The following ATP8B2 variants were observed in gnomAD, a reference collection of about 807,000 sequenced individuals.
ATP8B2 encodes the protein ATPase phospholipid transporting 8B2, also known as phospholipid-transporting ATPase ID.
A neutral mutation model predicts 133.4 loss-of-function variants in ATP8B2; 70 were observed. The ratio of observed to expected loss-of-function variants is 0.52; its 90% CI spans 0.43 to 0.64. ATP8B2 has a LOEUF of 0.64. Among genes scored for constraint, ATP8B2 ranks in the 30% least tolerant of loss-of-function variants. The probability of loss-of-function intolerance (pLI) is 0.00; values close to 1 mark genes in which losing one functional copy is unlikely to be tolerated. For missense variants in ATP8B2, 1,101 were observed against 1,535.7 expected (o/e 0.72, Z 4.73); for synonymous variants, 517 against 589.5 (o/e 0.88, Z 1.78).
chr1:154,343,707 A>G lies in ATP8B2; in HGVS notation c.1758+139A>G. On this transcript the variant is annotated intron_variant, in intron 17 of 27. Coordinates refer to ENST00000368489, the MANE Select transcript of ATP8B2 (RefSeq NM_001370597.1). The surrounding 1 kb of genome is among the most constrained non-coding windows in gnomAD (Gnocchi z 5.8). ...GTGTATATATAGTGAAGTGATTACT[A>G]CAGTCAGACAACTTAACACATCAGC... 1.0e-6 allele frequency: 1 copy of G among 983,998 alleles called. No homozygotes were observed. The highest frequency in any genetic ancestry group is 1.5e-5 in the South Asian group (1 of 64,714). The allele number at this position is 983,998 out of a possible 1,614,324, so 61.0% of individuals were successfully genotyped here.
chr1:154,345,111 G>A lies in ATP8B2; in HGVS notation c.2427G>A (p.Thr809=), dbSNP rs200485779. 5.6e-6 allele frequency: 9 copies of A among 1,614,198 alleles called. No homozygotes were observed. The Middle Eastern group carries it at 8.2e-4, about 148-fold the overall frequency. ...ELVKKYKKAV[T]LAIGDGANDV... is the part of the protein sequence containing the mutation. ...TCAAGAAGTACAAGAAGGCTGTGAC[G>A]CTTGCCATTGGAGACGGAGCCAATG... The change falls in exon 22 of 28, where the codon ACG becomes ACA. Residue 809 remains threonine (T), a synonymous_variant. Transcript: ENST00000368489. This position sits in a 1 kb window ranked among gnomAD's most constrained non-coding sequence, Gnocchi z 5.6.
At position 154,345,127 on chromosome 1, in the gene ATP8B2, G is replaced by A; in HGVS notation, c.2443G>A (p.Gly815Arg). ...GGCTGTGACGCTTGCCATTGGAGAC[G>A]GAGCCAATGATGTCAGCATGATCAA... ...KKAVTLAIGDGANDVSMIKTA... is the reference protein window; with the variant it reads ...KKAVTLAIGDRANDVSMIKTA... Residue 815 changes from glycine (G) to arginine (R), a missense_variant, in exon 22 of 28, where the codon GGA becomes AGA. By Grantham distance (125) the Gly-to-Arg change is moderately radical (BLOSUM62 -2). Coordinates refer to ENST00000368489, the MANE Select transcript of ATP8B2 (RefSeq NM_001370597.1). The surrounding 1 kb of genome is among the most constrained non-coding windows in gnomAD (Gnocchi z 5.6). 3 of 1,614,034 alleles carry A rather than the reference G, an allele frequency of 1.9e-6. No homozygotes were observed. Among genetic ancestry groups the A allele is most frequent in the Non-Finnish European group, 2.5e-6 (3 of 1,179,966 alleles).
chr1:154,346,622 T>G lies in ATP8B2; in HGVS notation c.3027T>G (p.Ile1009Met), dbSNP rs778613739. 6.2e-7 allele frequency: 1 copy of G among 1,614,198 alleles called. No homozygotes were observed. Among genetic ancestry groups the G allele is most frequent in the South Asian group, 1.1e-5 (1 of 91,082 alleles). Residue 1009 changes from isoleucine (I) to methionine (M), a missense_variant and splice_region_variant, in exon 26 of 28, where the codon ATT becomes ATG. Physicochemically the swap from Ile to Met is conservative, Grantham distance 10. Coordinates refer to ENST00000368489, the MANE Select transcript of ATP8B2 (RefSeq NM_001370597.1). The surrounding 1 kb of genome is among the most constrained non-coding windows in gnomAD (Gnocchi z 4.5). ...TSLVIVVSVQIGLDTGYWTAI... is the reference protein window; with the variant it reads ...TSLVIVVSVQMGLDTGYWTAI... ...CTGACTATGCCTACTTTCTGCAGATTGGGCTCGACACAGGCTACTGGACGG... is the reference window on the plus strand; with the variant it reads ...CTGACTATGCCTACTTTCTGCAGATGGGGCTCGACACAGGCTACTGGACGG...
In ATP8B2 at chr1:154,343,832, C is replaced by A; in HGVS notation, c.1759-61C>A. 6.5e-7 allele frequency: 1 copy of A among 1,538,404 alleles called. No homozygotes were observed. The highest frequency in any genetic ancestry group is 1.2e-5 in the South Asian group (1 of 81,286). The stretch of plus-strand genomic sequence containing the variant: ...ACAGTGCAGGATTATTCATTGTCGC[C>A]CTCACGCTGTCCATTAGCTCTCCAG... On this transcript the variant is annotated intron_variant, in intron 17 of 27. Transcript: ENST00000368489. The surrounding 1 kb of genome is among the most constrained non-coding windows in gnomAD (Gnocchi z 5.8).
chr1:154,341,196 C>T (rs1686370942), intron 13 of ATP8B2, 134 bp downstream of exon 13: 4 of 921,014 alleles, frequency 4.3e-6, no homozygotes, highest in Non-Finnish European at 5.1e-6. Flanking sequence ...AAGAAAGGGT[C>T]CATCCTGGCC....
rs1312000526 is a variant in ATP8B2, at chr1:154,334,298, AAG to A, written c.748+36_748+37del. 2 of 1,609,378 alleles carry A rather than the reference AAG, an allele frequency of 1.2e-6. No individual in the cohort carries two copies. The highest frequency in any genetic ancestry group is 1.7e-6 in the Non-Finnish European group (2 of 1,176,298). On this transcript the variant is annotated intron_variant, in intron 10 of 27. Coordinates refer to ENST00000368489, the MANE Select transcript of ATP8B2 (RefSeq NM_001370597.1). The surrounding 1 kb of genome is among the most constrained non-coding windows in gnomAD (Gnocchi z 4.6). ...TCCTAGCATCCAAAGAAAGAAGGGT[AAG>A]AGTGACTCAGCCAGCCCTCACTCAG...
Position 154,346,791 on chromosome 1 carries a change from G to T in ATP8B2, c.3163+33G>T, listed in dbSNP as rs1686599697. Reference sequence around the variant, plus strand: ...CCCGTGGCCTCCTTGAATCGGTGAGGAATCACAGCTGTTCTGGGACTAACA... The same window carrying T: ...CCCGTGGCCTCCTTGAATCGGTGAGTAATCACAGCTGTTCTGGGACTAACA... On this transcript the variant is annotated intron_variant, in intron 26 of 27. Transcript: ENST00000368489. The surrounding 1 kb of genome is among the most constrained non-coding windows in gnomAD (Gnocchi z 4.5). 6.2e-7 allele frequency: 1 copy of T among 1,611,768 alleles called. No individual in the cohort carries two copies. Among genetic ancestry groups the T allele is most frequent in the Non-Finnish European group, 8.5e-7 (1 of 1,178,248 alleles).
intron 26 of ATP8B2, among the ~76,000 whole-genome samples, chr1:154,347,780 A>G (rs927464488): frequency 6.6e-6 from 1 of 152,082 alleles, no homozygotes; most frequent in Non-Finnish European, 1.5e-5. Flanking sequence ...ATCTCTACTA[A>G]AAATACAAAA....
rs769448740 is a variant in ATP8B2, at chr1:154,346,226, C to T, written c.2779-5C>T. The T allele has an allele frequency of 1.1e-5, 18 of 1,612,940 alleles. No homozygotes were observed. Among genetic ancestry groups the T allele is most frequent in the Non-Finnish European group, 1.5e-5 (18 of 1,179,638 alleles). On this transcript the variant is annotated splice_polypyrimidine_tract_variant and splice_region_variant and intron_variant, in intron 24 of 27. Transcript: ENST00000368489. The surrounding 1 kb of genome is among the most constrained non-coding windows in gnomAD (Gnocchi z 4.5). The stretch of plus-strand genomic sequence containing the variant: ...CCCCCTATGCTACATGGTCCTCCCA[C>T]ACAGGATGTCCCCGAGCAGCGGAGC...
intron 1 of ATP8B2, 161 bp from the exon 2 acceptor site, chr1:154,327,944 C>T: frequency 1.3e-6 from 2 of 1,543,748 alleles, no homozygotes; most frequent in Non-Finnish European, 9.0e-7. Flanking sequence ...TCCCCTCTTT[C>T]CCAGGAACCC....
rs1284286939 is a variant in ATP8B2, at chr1:154,343,122, A to G, written c.1463A>G (p.Tyr488Cys). 6.2e-7 allele frequency: 1 copy of G among 1,613,690 alleles called. No homozygotes were observed. The highest frequency in any genetic ancestry group is 8.5e-7 in the Non-Finnish European group (1 of 1,179,884). Residue 488 changes from tyrosine (Y) to cysteine (C), a missense_variant, in exon 16 of 28, where the codon TAC becomes TGC. Physicochemically the swap from Tyr to Cys is radical, Grantham distance 194. Transcript: ENST00000368489. This position sits in a 1 kb window ranked among gnomAD's most constrained non-coding sequence, Gnocchi z 5.8. ...CTTCCTCCCCACCCAGGAGAGCTGT[A>G]CTACAAAGCTCAGTCCCCAGATGAG... ...MSEEKNEGEL[Y>C]YKAQSPDEGA...
At position 154,343,192 on chromosome 1, in the gene ATP8B2, C is replaced by T. The variant is rs1329736313; in HGVS notation, c.1533C>T (p.Arg511=). 1 of 1,614,138 alleles carries T rather than the reference C, an allele frequency of 6.2e-7. No homozygotes were observed. Among genetic ancestry groups the T allele is most frequent in the Non-Finnish European group, 8.5e-7 (1 of 1,180,036 alleles). ...TAARNFGFVF[R]SRTPKTITVH... The stretch of plus-strand genomic sequence containing the variant: ...CCAGGAACTTTGGTTTTGTTTTCCG[C>T]TCTCGCACCCCCAAAACAATCACCG... Residue 511 remains arginine, a synonymous_variant, in exon 16 of 28, where the codon CGC becomes CGT. Transcript: ENST00000368489. This position sits in a 1 kb window ranked among gnomAD's most constrained non-coding sequence, Gnocchi z 5.8.
At position 154,330,815 on chromosome 1, in the gene ATP8B2, A is replaced by C; in HGVS notation, c.91A>C (p.Ser31Arg). The C allele has an allele frequency of 6.2e-7, 1 of 1,612,070 alleles. No individual in the cohort carries two copies. Among genetic ancestry groups the C allele is most frequent in the Non-Finnish European group, 8.5e-7 (1 of 1,178,170 alleles). Residue 31 changes from serine (S) to arginine (R), a missense_variant and splice_region_variant, in exon 4 of 28, where the codon AGT (serine) becomes CGT (arginine). Physicochemically the swap from Ser to Arg is moderately radical, Grantham distance 110. Coordinates refer to ENST00000368489, the MANE Select transcript of ATP8B2 (RefSeq NM_001370597.1). The stretch of plus-strand genomic sequence containing the variant: ...ATTATCTTCTCTCCTACTGCCATAG[A>C]GTAACTGCATCAAGACCTCCAAGTA... ...REYNEKFQYA[S>R]NCIKTSKYNI...
Position 154,344,562 on chromosome 1 carries a change from T to C in ATP8B2, c.2141+62T>C, listed in dbSNP as rs1173031693. 4.7e-5 allele frequency: 76 copies of C among 1,612,342 alleles called. No homozygotes were observed. Among genetic ancestry groups the C allele is most frequent in the Non-Finnish European group, 1.7e-5 (20 of 1,178,792 alleles). ...TGTGCCCAGGGCTCAGGTGGGGGTTTCTGGACCATTTAGACTTGAATCCCT... is the reference window on the plus strand; with the variant it reads ...TGTGCCCAGGGCTCAGGTGGGGGTTCCTGGACCATTTAGACTTGAATCCCT... On this transcript the variant is annotated intron_variant, in intron 20 of 27. Transcript: ENST00000368489. This position sits in a 1 kb window ranked among gnomAD's most constrained non-coding sequence, Gnocchi z 4.1.
chr1:154,349,578 TC>T lies in ATP8B2; in HGVS notation c.*461del. On this transcript the variant is annotated 3_prime_UTR_variant, in exon 28 of 28. Coordinates refer to ENST00000368489, the MANE Select transcript of ATP8B2 (RefSeq NM_001370597.1). ...CCTGCAGGGGCCTCGGCCCCTCACATCGTGTATGTCTCTCCTTGATTTGTGT... is the reference window on the plus strand; with the variant it reads ...CCTGCAGGGGCCTCGGCCCCTCACATGTGTATGTCTCTCCTTGATTTGTGT... 1 of 165,274 alleles carries T rather than the reference TC, an allele frequency of 6.1e-6. No individual in the cohort carries two copies. The allele number at this position is 165,274 out of a possible 1,614,324, so 10.2% of individuals were successfully genotyped here. A position where few individuals can be genotyped will look rare whatever the true frequency, so the allele number is the denominator to read the frequency against.
rs764328459 is a variant in ATP8B2 at position 154,340,929 on chromosome 1, G to A, written c.1110G>A (p.Thr370=). ...AGATGTTCTGCATGAAGAAGCGGAC[G>A]CCTGCAGAAGCCCGCACCACCACCC... The part of the protein sequence containing the change: ...DKKMFCMKKR[T]PAEARTTTLN... The change falls in exon 13 of 28, where the codon ACG becomes ACA. Residue 370 remains threonine (T), a synonymous_variant. Transcript: ENST00000368489. This position sits in a 1 kb window ranked among gnomAD's most constrained non-coding sequence, Gnocchi z 4.0. The A allele has an allele frequency of 1.1e-5, 18 of 1,614,038 alleles. No homozygotes were observed. Among genetic ancestry groups the A allele is most frequent in the Middle Eastern group, 1.6e-4 (1 of 6,084 alleles).
rs1370555515 is a variant in ATP8B2, at chr1:154,350,306, T to A, written c.*1188T>A. On this transcript the variant is annotated 3_prime_UTR_variant, in exon 28 of 28. Coordinates refer to ENST00000368489, the MANE Select transcript of ATP8B2 (RefSeq NM_001370597.1). Reference sequence around the variant, plus strand: ...GGCTAGTCTTGAATTCCTGACCTCCTGACCTGCCCACCTCAACCTCCCAAA... The same window carrying A: ...GGCTAGTCTTGAATTCCTGACCTCCAGACCTGCCCACCTCAACCTCCCAAA... 1 of 152,160 alleles carries A rather than the reference T, an allele frequency of 6.6e-6. No homozygotes were observed. The highest frequency in any genetic ancestry group is 1.5e-5 in the Non-Finnish European group (1 of 68,034). 9.4% of individuals were successfully genotyped at this position (152,160 alleles called of 1,614,324 possible). A position where few individuals can be genotyped will look rare whatever the true frequency, so the allele number is the denominator to read the frequency against.
intron 9 of ATP8B2, among the ~76,000 whole-genome samples, chr1:154,333,638 T>C (rs1686077439): frequency 8.5e-6 from 1 of 117,386 alleles, no homozygotes; most frequent in Non-Finnish European, 1.7e-5. Context: ...TAGGTCATGC[T>C]GCAGCTTTTT....
Position 154,344,429 on chromosome 1 carries a change from G to T in ATP8B2, c.2070G>T (p.Met690Ile). The change falls in exon 20 of 28, where the codon ATG (methionine) becomes ATT (isoleucine). Residue 690 changes from methionine to isoleucine, a missense_variant. Physicochemically the swap from Met to Ile is conservative, Grantham distance 10. Transcript: ENST00000368489. This position sits in a 1 kb window ranked among gnomAD's most constrained non-coding sequence, Gnocchi z 4.1. ...TAVNIGYSCK[M>I]LTDDMTEVFI... ...TGAACATCGGCTATTCCTGCAAGAT[G>T]CTGACGGATGACATGACTGAGGTTT... 2 of 1,614,170 alleles carry T rather than the reference G, an allele frequency of 1.2e-6. No individual in the cohort carries two copies. Among genetic ancestry groups the T allele is most frequent in the Non-Finnish European group, 1.7e-6 (2 of 1,180,018 alleles).
Sources: gnomAD v4.1 joint callset for allele counts (sites outside exome capture counted in the v4.1 genomes callset) on GRCh38, gnomAD v4.1.1 for gene constraint, Gnocchi (gnomAD v3.1) non-coding constraint, MANE v1.5 for transcripts, NCBI Gene and HGNC (gene_info 2026-07-23, HGNC 2026-07-21) for gene names.